FAM153A: variants seen among roughly 807,000 people sequenced by gnomAD.
The protein encoded by FAM153A is family with sequence similarity 153 member A.
Under a neutral mutation model 48.1 loss-of-function variants are expected in FAM153A, and 12 were observed. The observed-to-expected ratio is 0.25, with a 90% confidence interval of 0.16 to 0.40. FAM153A has a LOEUF of 0.40. Among genes scored for constraint, FAM153A ranks in the 10% least tolerant of loss-of-function variants. The pLI is 1.00. For missense variants in FAM153A, 111 were observed against 345.8 expected (o/e 0.32, Z 5.38); for synonymous variants, 36 against 118.2 (o/e 0.30, Z 4.51).
chr5:177,704,621 G>A (rs1003551450), downstream of FAM153A, among the ~76,000 whole-genome samples: 27 of 151,624 alleles, frequency 1.8e-4, no homozygotes, highest in Non-Finnish European at 3.5e-4. Context: ...GGATCATGGA[G>A]GCAGTTTCTC....
chr5:177,746,885 C>T (rs553610917), intron 4 of FAM153A, among the ~76,000 whole-genome samples: 2,145 of 148,424 alleles, frequency 0.014, 71 homozygotes, highest in African/African-American at 0.052. Context: ...GCATTTCTAA[C>T]GTTTGTGGTG....
chr5:177,778,883 G>A (rs1289925719), intron 1 of FAM153A, among the ~76,000 whole-genome samples: 4 of 115,738 alleles, frequency 3.5e-5, no homozygotes, highest in East Asian at 5.0e-4. Flanking sequence ...AGGATGAGGT[G>A]GGACGACTGC....
At chr5:177,706,337 C>T (rs1163303603), downstream of FAM153A, among the ~76,000 whole-genome samples, 9 of 151,840 alleles carry the variant, frequency 5.9e-5, no homozygotes, top group East Asian at 1.4e-3. Context: ...GCTGGGACTA[C>T]AGGCACCTGC....
chr5:177,752,870 G>C (rs1419563443), intron 1 of FAM153A, among the ~76,000 whole-genome samples: 2 of 135,594 alleles, frequency 1.5e-5, no homozygotes, highest in African/African-American at 5.8e-5. Flanking sequence ...GGAGGTTGCT[G>C]TGAGTCATTA....
intron 1 of FAM153A, among the ~76,000 whole-genome samples, chr5:177,765,464 C>T (rs1241288442): frequency 9.1e-3 from 867 of 94,878 alleles, no homozygotes; most frequent in African/African-American, 0.015. Flanking sequence ...GTGGCTGGCC[C>T]CAATAAGCAC....
intron 17 of FAM153A, 45 bp downstream of exon 19, chr5:177,729,440 G>A (rs1479353309): frequency 5.0e-6 from 8 of 1,588,580 alleles, no homozygotes; most frequent in East Asian, 2.3e-5. Flanking sequence ...CAGAGAAACC[G>A]AGAGAAATAA....
chr5:177,704,743 G>A (rs1757726636), downstream of FAM153A, among the ~76,000 whole-genome samples: 1 of 151,754 alleles, frequency 6.6e-6, no homozygotes, highest in African/African-American at 2.4e-5. Flanking sequence ...AGCGGCTCAT[G>A]CCTCTGAGCA....
chr5:177,756,111 C>A (rs1469178379), upstream of FAM153A, among the ~76,000 whole-genome samples: 17 of 150,436 alleles, frequency 1.1e-4, no homozygotes, highest in African/African-American at 3.7e-4. Context: ...CAGAGACACA[C>A]ACAGGCTCAG....
chr5:177,752,618 C>CAAAAAAAAA (rs71274705), intron 1 of FAM153A, among the ~76,000 whole-genome samples: 2 of 31,014 alleles, frequency 6.4e-5, no homozygotes, highest in Non-Finnish European at 9.7e-5. Flanking sequence ...GAGACTCTGC[C>CAAAAAAAAA]AAAAAAAAAA....
intron 1 of FAM153A, among the ~76,000 whole-genome samples, chr5:177,761,182 A>C (rs1768279410): frequency 6.6e-6 from 1 of 151,258 alleles, no homozygotes; most frequent in African/African-American, 2.4e-5. Flanking sequence ...CAGCTGCAGC[A>C]GCTTGGCCAA....
At chr5:177,696,344 C>G in the FAM153A span, among the ~76,000 whole-genome samples, 6 of 148,432 alleles carry the variant, frequency 4.0e-5, no homozygotes, top group Non-Finnish European at 7.4e-5. Context: ...AGATGGGCGG[C>G]CGGGCAGAGG....
At chr5:177,702,199 C>T in the FAM153A span, among the ~76,000 whole-genome samples, 69 of 151,916 alleles carry the variant, frequency 4.5e-4, no homozygotes, top group South Asian at 1.4e-3. Flanking sequence ...TGAGCCACCG[C>T]GCCTGGCCAA....
chr5:177,715,504 A>T (rs1206426086), intron 25 of FAM153A, among the ~76,000 whole-genome samples: 1 of 151,410 alleles, frequency 6.6e-6, no homozygotes, highest in Non-Finnish European at 1.5e-5. Flanking sequence ...TTTAAGGCTG[A>T]CCTACAGATA....
chr5:177,749,245 T>G (rs1200769917), intron 2 of FAM153A, among the ~76,000 whole-genome samples: 1 of 151,620 alleles, frequency 6.6e-6, no homozygotes, highest in Non-Finnish European at 1.5e-5. Flanking sequence ...ATGTCTTACT[T>G]CCCACCTTAG....
intron 25 of FAM153A, among the ~76,000 whole-genome samples, chr5:177,714,472 CTAA>C (rs1561860490): frequency 6.9e-6 from 1 of 144,924 alleles, no homozygotes; most frequent in South Asian, 2.2e-4. Context: ...TTAGAATGTT[CTAA>C]TAATGAGTTC....
chr5:177,736,983 G>C, intron 11 of FAM153A, 59 bp downstream of exon 13: 1 of 1,320,870 alleles, frequency 7.6e-7, no homozygotes, highest in Non-Finnish European at 1.0e-6. Context: ...TAATTCAATT[G>C]AAACAGAGAA....
the FAM153A span, among the ~76,000 whole-genome samples, chr5:177,701,717 C>T: frequency 6.6e-6 from 1 of 151,694 alleles, no homozygotes; most frequent in African/African-American, 2.4e-5. Context: ...AGCTTTGGAA[C>T]TGGGTAACAG....
downstream of FAM153A, chr5:177,718,402 G>C (rs1440930039): frequency 8.8e-6 from 1 of 113,862 alleles, no homozygotes; most frequent in Non-Finnish European, 2.0e-5. Flanking sequence ...GAGATCAACA[G>C]TGATTTTCTG....
At chr5:177,753,865 G>A (rs1004350202), upstream of FAM153A, among the ~76,000 whole-genome samples, 3 of 151,900 alleles carry the variant, frequency 2.0e-5, no homozygotes, top group Non-Finnish European at 1.5e-5. Context: ...GTGGAGCCAA[G>A]ATGGCCGAAT....
Sources: gnomAD v4.1 joint callset for allele counts (sites outside exome capture counted in the v4.1 genomes callset) on GRCh38, gnomAD v4.1.1 for gene constraint, MANE v1.5 for transcripts, NCBI Gene and HGNC (gene_info 2026-07-23, HGNC 2026-07-21) for gene names.